The following OR6N1 variants were observed in gnomAD, a reference collection of about 807,000 sequenced individuals.
OR6N1 encodes olfactory receptor family 6 subfamily N member 1, also known as olfactory receptor 6N1.
For missense variants in OR6N1, 394 were observed against 371.7 expected, an observed-to-expected ratio of 1.06 and a Z score of -0.49; for synonymous variants, 170 against 150.7, an observed-to-expected ratio of 1.13 and a Z score of -0.94.
At chr1:158,840,298 A>G in the OR6N1 span, among the ~76,000 whole-genome samples, 1 of 152,158 alleles carries the variant, frequency 6.6e-6, no homozygotes, top group Non-Finnish European at 1.5e-5. Flanking sequence ...TAAAGAAAAG[A>G]GATTTGATTT....
At position 158,766,880 on chromosome 1, in the gene OR6N1, C is replaced by G. The variant is rs180968379; in HGVS notation, c.-18-180G>C. 2.4e-3 allele frequency among the ~76,000 whole-genome samples: 364 copies of G among 152,256 alleles called. 1 individual carries two copies. Among genetic ancestry groups the G allele is most frequent in the Admixed American group, 7.1e-3 (108 of 15,288 alleles). On this transcript the variant is annotated intron_variant, in intron 1 of 1. Transcript: ENST00000641846. ...CCTCCCTGCCCTTCCTGTCAACAGC[C>G]TCCTTCAGACTATTCACCTTTATGT...
chr1:158,774,348 G>A (rs768829003), upstream of OR6N1: 2 of 152,192 alleles, frequency 1.3e-5, no homozygotes, highest in Non-Finnish European at 2.9e-5. Flanking sequence ...TGAACCTGCT[G>A]AGATAAAACA....
chr1:158,766,890 C>T (rs1657289830), intron 1 of OR6N1, among the ~76,000 whole-genome samples, 190 bp from the exon 2 acceptor site: 1 of 152,170 alleles, frequency 6.6e-6, no homozygotes, highest in South Asian at 2.1e-4. Context: ...CTCCTTCAGA[C>T]TATTCACCTT....
the OR6N1 span, among the ~76,000 whole-genome samples, chr1:158,836,558 C>A: frequency 6.6e-6 from 1 of 151,860 alleles, no homozygotes; most frequent in African/African-American, 2.4e-5. Flanking sequence ...TCTGTGAAAT[C>A]TGTTGTAATG....
chr1:158,786,755 TATC>T, the OR6N1 span, among the ~76,000 whole-genome samples: 2 of 152,164 alleles, frequency 1.3e-5, no homozygotes, highest in Non-Finnish European at 2.9e-5. Flanking sequence ...GAAAACTAAA[TATC>T]ATATGTTCTC....
the OR6N1 span, among the ~76,000 whole-genome samples, chr1:158,835,462 A>G: frequency 1.3e-5 from 2 of 152,130 alleles, no homozygotes; most frequent in East Asian, 3.9e-4. Context: ...GATTCCTGTA[A>G]CTTTGCTGGA....
chr1:158,777,799 G>A, the OR6N1 span, among the ~76,000 whole-genome samples: 3 of 152,074 alleles, frequency 2.0e-5, no homozygotes, highest in East Asian at 5.8e-4. Context: ...AATATTAATA[G>A]CTAACTCTTA....
the OR6N1 span, among the ~76,000 whole-genome samples, chr1:158,796,377 A>G: frequency 6.6e-6 from 1 of 152,168 alleles, no homozygotes; most frequent in South Asian, 2.1e-4. Context: ...CCTCTGAGGT[A>G]ATTTTCTATG....
the OR6N1 span, among the ~76,000 whole-genome samples, chr1:158,794,694 G>C: frequency 6.6e-6 from 1 of 152,152 alleles, no homozygotes; most frequent in African/African-American, 2.4e-5. Context: ...TTGAGCATGT[G>C]GATAGATTCA....
At chr1:158,834,236 T>C in the OR6N1 span, among the ~76,000 whole-genome samples, 1 of 150,056 alleles carries the variant, frequency 6.7e-6, no homozygotes. Context: ...TATCAATTTT[T>C]TTTTTTTTTT....
chr1:158,769,895 A>G (rs1657373470), intron 1 of OR6N1, among the ~76,000 whole-genome samples: 1 of 152,166 alleles, frequency 6.6e-6, no homozygotes, highest in Non-Finnish European at 1.5e-5. Flanking sequence ...ATGTCTATCC[A>G]CTGCCCAATT....
intron 1 of OR6N1, among the ~76,000 whole-genome samples, chr1:158,767,342 A>G (rs1188474444): frequency 6.6e-6 from 1 of 152,196 alleles, no homozygotes; most frequent in African/African-American, 2.4e-5. Context: ...TAAAAAAGCC[A>G]AAGAAAGACA....
At chr1:158,780,360 A>T in the OR6N1 span, among the ~76,000 whole-genome samples, 2 of 152,152 alleles carry the variant, frequency 1.3e-5, no homozygotes, top group Non-Finnish European at 2.9e-5. Context: ...CTGGACCCCA[A>T]ATTATTGCAT....
At position 158,765,304 on chromosome 1, in the gene OR6N1, C is replaced by T. The variant is rs997884292; in HGVS notation, c.*440G>A. 6.5e-6 allele frequency: 1 copy of T among 153,518 alleles called. No individual in the cohort carries two copies. The highest frequency in any genetic ancestry group is 2.4e-5 in the African/African-American group (1 of 41,464). The allele number at this position is 153,518 out of a possible 1,614,324, so 9.5% of individuals were successfully genotyped here. ...ATGAGTTCAAAAAACATGCTTTTTTCTACTGTACCAGTCTTCTCCACATGA... is the reference window on the plus strand; with the variant it reads ...ATGAGTTCAAAAAACATGCTTTTTTTTACTGTACCAGTCTTCTCCACATGA... On this transcript the variant is annotated 3_prime_UTR_variant, in exon 2 of 2. Transcript: ENST00000641846.
chr1:158,821,187 C>A, the OR6N1 span, among the ~76,000 whole-genome samples: 2 of 152,126 alleles, frequency 1.3e-5, no homozygotes, highest in African/African-American at 4.8e-5. Flanking sequence ...AGATTTACAG[C>A]AAAATTGAAT....
At chr1:158,832,778 C>G in the OR6N1 span, among the ~76,000 whole-genome samples, 1 of 151,994 alleles carries the variant, frequency 6.6e-6, no homozygotes. Context: ...CTTTCTCAAA[C>G]TTAAGTGAAC....
chr1:158,777,990 C>A, the OR6N1 span, among the ~76,000 whole-genome samples: 1 of 152,120 alleles, frequency 6.6e-6, no homozygotes, highest in Non-Finnish European at 1.5e-5. Context: ...TTCACAGAAA[C>A]AACATTTAGA....
At chr1:158,773,353 T>A (rs1006236354), upstream of OR6N1, among the ~76,000 whole-genome samples, 1 of 152,224 alleles carries the variant, frequency 6.6e-6, no homozygotes, top group African/African-American at 2.4e-5. Flanking sequence ...GTTTTCTAAA[T>A]CCCTATAAGG....
the OR6N1 span, among the ~76,000 whole-genome samples, chr1:158,804,550 A>G: frequency 6.6e-6 from 1 of 152,216 alleles, no homozygotes; most frequent in South Asian, 2.1e-4. Context: ...GCATGTTCAA[A>G]TTTTCATAGT....
Sources: allele counts gnomAD v4.1 joint callset (sites outside exome capture counted in the v4.1 genomes callset), GRCh38; gene constraint gnomAD v4.1.1; transcripts MANE v1.5; gene names NCBI Gene and HGNC (gene_info 2026-07-23, HGNC 2026-07-21).